VRK2: variants seen among roughly 807,000 people sequenced by gnomAD.
VRK2 encodes the protein serine/threonine-protein kinase VRK2.
Under a neutral mutation model 57.6 loss-of-function variants are expected in VRK2, and 60 were observed. The observed-to-expected ratio is 1.04, with a 90% CI of 0.85 to 1.29. The LOEUF is 1.29. VRK2 is among the 50% of genes most tolerant of loss of function. The pLI, the probability that VRK2 is intolerant of heterozygous loss-of-function variation, is 0.00. For missense variants in VRK2, 705 were observed against 588.1 expected (o/e 1.20, Z -2.06); for synonymous variants, 231 against 199.2 (o/e 1.16, Z -1.35).
chr2:58,038,266 C>T (rs1010112022), intron 3 of VRK2, among the ~76,000 whole-genome samples: 6 of 152,060 alleles, frequency 3.9e-5, no homozygotes, highest in Non-Finnish European at 8.8e-5. Flanking sequence ...TTGGAGGTTT[C>T]CCCTGCTCTC....
chr2:57,944,944 T>C (rs1371612040), intron 1 of VRK2, among the ~76,000 whole-genome samples: 2 of 152,058 alleles, frequency 1.3e-5, no homozygotes, highest in African/African-American at 4.8e-5. Context: ...GCAATTTAAT[T>C]CTAGAAAGAA....
chr2:58,128,071 T>G (rs936870554), intron 8 of VRK2, among the ~76,000 whole-genome samples: 2 of 152,164 alleles, frequency 1.3e-5, no homozygotes, highest in Non-Finnish European at 2.9e-5. Context: ...ATATTTTAAC[T>G]AAAGATCCTT....
chr2:58,125,586 T>C (rs1238815388), intron 8 of VRK2, among the ~76,000 whole-genome samples: 1 of 151,746 alleles, frequency 6.6e-6, no homozygotes, highest in Non-Finnish European at 1.5e-5. Context: ...AGTTATATGA[T>C]AGAATGAACA....
upstream of VRK2, among the ~76,000 whole-genome samples, chr2:58,042,932 A>G (rs1674519320): frequency 6.6e-6 from 1 of 152,052 alleles, no homozygotes. Flanking sequence ...TTGTATTTCT[A>G]TATTCTGTCA....
At chr2:58,146,562 G>C (rs1413092653) in intron 12 of VRK2, 88 bp downstream of exon 12, 1 of 1,442,098 alleles carries the variant, frequency 6.9e-7, no homozygotes, top group African/African-American at 1.4e-5. Flanking sequence ...ATTTTCTCCT[G>C]AGGGCCAAGG....
chr2:58,061,123 T>A (rs1210404460), intron 2 of VRK2, among the ~76,000 whole-genome samples: 1 of 151,856 alleles, frequency 6.6e-6, no homozygotes, highest in Non-Finnish European at 1.5e-5. Flanking sequence ...AAGTTATGAA[T>A]GTAGAGTTTC....
At chr2:58,055,044 C>G (rs1220793438) in intron 2 of VRK2, among the ~76,000 whole-genome samples, 1 of 152,102 alleles carries the variant, frequency 6.6e-6, no homozygotes, top group Non-Finnish European at 1.5e-5. Context: ...CATTGAAGGC[C>G]AGAAACATCT....
At chr2:58,129,684 G>C (rs1170769831) in intron 8 of VRK2, among the ~76,000 whole-genome samples, 2 of 152,152 alleles carry the variant, frequency 1.3e-5, no homozygotes, top group Non-Finnish European at 2.9e-5. Flanking sequence ...ATGGAAAGAA[G>C]ACAATCATTG....
intron 1 of VRK2, among the ~76,000 whole-genome samples, chr2:58,025,182 G>C (rs1673887122): frequency 6.6e-6 from 1 of 152,020 alleles, no homozygotes; most frequent in African/African-American, 2.4e-5. Context: ...TCCAAGATAT[G>C]TGACCTTAGG....
intron 1 of VRK2, among the ~76,000 whole-genome samples, chr2:57,947,332 G>A (rs575090212): frequency 1.6e-4 from 24 of 152,258 alleles, no homozygotes; most frequent in African/African-American, 5.5e-4. Context: ...TATGTAATAT[G>A]TTGTTGGGCA....
chr2:58,114,727 G>T (rs1221877000), intron 7 of VRK2, among the ~76,000 whole-genome samples: 1 of 151,922 alleles, frequency 6.6e-6, no homozygotes, highest in Admixed American at 6.5e-5. Flanking sequence ...CTGCTTGGCT[G>T]ATTTGACTAA....
At chr2:57,997,995 T>C (rs1297146552) in intron 1 of VRK2, among the ~76,000 whole-genome samples, 3 of 152,130 alleles carry the variant, frequency 2.0e-5, no homozygotes, top group African/African-American at 7.2e-5. Context: ...TATTATGACA[T>C]AGACACATAA....
At chr2:57,910,318 A>G (rs1371916189) in intron 1 of VRK2, among the ~76,000 whole-genome samples, 1 of 152,216 alleles carries the variant, frequency 6.6e-6, no homozygotes, top group Non-Finnish European at 1.5e-5. Context: ...AATGGCTGAG[A>G]TGCTGACTCC....
At chr2:58,083,126 T>G (rs1369187707) in intron 2 of VRK2, among the ~76,000 whole-genome samples, 1 of 151,810 alleles carries the variant, frequency 6.6e-6, no homozygotes, top group Non-Finnish European at 1.5e-5. Flanking sequence ...GATTTTCAAT[T>G]GTAGTCAATA....
At chr2:58,048,743 G>A in intron 1 of VRK2, 84 bp from the exon 2 acceptor site, 4 of 1,537,792 alleles carry the variant, frequency 2.6e-6, no homozygotes, top group Non-Finnish European at 3.5e-6. Flanking sequence ...GTTCCCTATT[G>A]AAGACATTTT....
At chr2:58,103,265 A>C (rs147290570) in intron 7 of VRK2, among the ~76,000 whole-genome samples, 103 of 151,358 alleles carry the variant, frequency 6.8e-4, no homozygotes, top group Admixed American at 8.6e-4. Context: ...CCAAAAATTA[A>C]ATAAATAAAT....
chr2:57,969,111 C>G (rs1236440040), intron 1 of VRK2, among the ~76,000 whole-genome samples: 1 of 151,596 alleles, frequency 6.6e-6, no homozygotes, highest in Non-Finnish European at 1.5e-5. Context: ...AAATGCTAGC[C>G]TAAATAATTG....
chr2:57,915,345 C>T (rs922929380), intron 1 of VRK2, among the ~76,000 whole-genome samples: 1 of 151,930 alleles, frequency 6.6e-6, no homozygotes, highest in Non-Finnish European at 1.5e-5. Flanking sequence ...AGTAATAATT[C>T]TATTATTTTA....
At chr2:58,068,595 T>A (rs528335485) in intron 2 of VRK2, among the ~76,000 whole-genome samples, 4 of 152,258 alleles carry the variant, frequency 2.6e-5, no homozygotes, top group Non-Finnish European at 5.9e-5. Flanking sequence ...TCAGTCCTTA[T>A]TTCATCAAAT....
Sources: allele counts gnomAD v4.1 joint callset (sites outside exome capture counted in the v4.1 genomes callset), GRCh38; gene constraint gnomAD v4.1.1; transcripts MANE v1.5; gene names NCBI Gene and HGNC (gene_info 2026-07-23, HGNC 2026-07-21).